The following CUL1 variants were observed in gnomAD, a reference collection of about 807,000 sequenced individuals.
The protein encoded by CUL1 is cullin 1.
CUL1 carries 24 observed loss-of-function variants against 118.0 expected under a neutral mutation model. That is an observed-to-expected ratio of 0.20 (90% CI 0.15 to 0.29). The LOEUF (loss-of-function observed/expected upper bound fraction) is 0.29. Among genes scored for constraint, CUL1 ranks in the 10% least tolerant of loss-of-function variants. The pLI, the probability that CUL1 is intolerant of heterozygous loss-of-function variation, is 1.00. For missense variants in CUL1, 361 were observed against 933.8 expected, an observed-to-expected ratio of 0.39 and a Z score of 7.99; for synonymous variants, 332 against 340.4, an observed-to-expected ratio of 0.98 and a Z score of 0.27.
chr7:148,781,754 G>A (rs1465397718), intron 9 of CUL1, among the ~76,000 whole-genome samples: 3 of 152,214 alleles, frequency 2.0e-5, no homozygotes, highest in African/African-American at 4.8e-5. Flanking sequence ...GCGTGTGGCA[G>A]GGAAGCCGTG....
rs531901382 is a variant in CUL1 at position 148,722,615 on chromosome 7, A to G, written c.-161-7347A>G. On this transcript the variant is annotated intron_variant, in intron 1 of 21. Transcript: ENST00000325222. ...GTTCCTCTCTGCACTAGCCATTTCT[A>G]TCCCTACAGTGGTCATCTGCTAACC... 1.2e-4 allele frequency among the ~76,000 whole-genome samples: 19 copies of G among 152,302 alleles called. No homozygotes were observed. The South Asian group carries it at 2.1e-3, about 17-fold the overall frequency.
intron 1 of CUL1, among the ~76,000 whole-genome samples, chr7:148,727,128 G>A (rs1283109128): frequency 6.6e-6 from 1 of 152,192 alleles, no homozygotes; most frequent in African/African-American, 2.4e-5. Context: ...GCATATGGTA[G>A]CATCCTACTA....
At chr7:148,734,666 C>T (rs116717170) in intron 2 of CUL1, among the ~76,000 whole-genome samples, 2,202 of 152,128 alleles carry the variant, frequency 0.014, 44 homozygotes, top group African/African-American at 0.05. Flanking sequence ...TTATTGACAC[C>T]GCTATATTTC....
chr7:148,703,386 C>T (rs1449341493), intron 1 of CUL1, among the ~76,000 whole-genome samples: 1 of 152,088 alleles, frequency 6.6e-6, no homozygotes, highest in Non-Finnish European at 1.5e-5. Flanking sequence ...TTTATAAAAC[C>T]ATTCAAGACT....
intron 7 of CUL1, among the ~76,000 whole-genome samples, chr7:148,764,625 T>G (rs1458262416): frequency 2.0e-5 from 3 of 152,222 alleles, no homozygotes; most frequent in Non-Finnish European, 4.4e-5. Flanking sequence ...CAAGAAAGAG[T>G]TATAACTTAA....
intron 1 of CUL1, among the ~76,000 whole-genome samples, chr7:148,723,428 A>G (rs1264960081): frequency 1.3e-5 from 2 of 152,142 alleles, no homozygotes; most frequent in Non-Finnish European, 2.9e-5. Context: ...TCCAAGGACA[A>G]CTGCCCTCCT....
Position 148,800,483 on chromosome 7 carries a change from T to G in CUL1, c.2251-19T>G, listed in dbSNP as rs760757294. 1.9e-6 allele frequency: 3 copies of G among 1,603,688 alleles called. No homozygotes were observed. Among genetic ancestry groups the G allele is most frequent in the Non-Finnish European group, 2.6e-6 (3 of 1,170,850 alleles). ...TTCTTCTCTTTCACTACCTCTTCCTTTTTAAAAATAACACCCAGAAATGCA... is the reference window on the plus strand; with the variant it reads ...TTCTTCTCTTTCACTACCTCTTCCTGTTTAAAAATAACACCCAGAAATGCA... On this transcript the variant is annotated intron_variant, in intron 21 of 21. Coordinates refer to ENST00000325222, the MANE Select transcript of CUL1 (RefSeq NM_003592.3). This position sits in a 1 kb window ranked among gnomAD's most constrained non-coding sequence, Gnocchi z 4.6.
chr7:148,712,685 T>A (rs1798087638), intron 1 of CUL1, among the ~76,000 whole-genome samples: 1 of 152,242 alleles, frequency 6.6e-6, no homozygotes, highest in Non-Finnish European at 1.5e-5. Flanking sequence ...CGTAACTCAC[T>A]TATTCCTCAT....
At chr7:148,760,255 A>G in intron 6 of CUL1, 78 bp from the exon 7 acceptor site, 6 of 1,216,712 alleles carry the variant, frequency 4.9e-6, no homozygotes, top group South Asian at 1.7e-5. Context: ...CTTAAACTGA[A>G]TGCTACACCT....
intron 11 of CUL1, 52 bp downstream of exon 11, chr7:148,784,129 T>C: frequency 7.2e-7 from 1 of 1,394,102 alleles, no homozygotes; most frequent in Non-Finnish European, 1.0e-6. Flanking sequence ...ATCTCAGCTT[T>C]TATATGAGGA....
At position 148,756,959 on chromosome 7, in the gene CUL1, A is replaced by C. The variant is rs1166584970; in HGVS notation, c.316-24A>C. The C allele has an allele frequency of 3.9e-6, 6 of 1,537,422 alleles. No individual in the cohort carries two copies. In the African/African-American group the frequency reaches 8.3e-5, roughly 21 times the overall value. On this transcript the variant is annotated intron_variant, in intron 3 of 21. Coordinates refer to ENST00000325222, the MANE Select transcript of CUL1 (RefSeq NM_003592.3). ...ATAATGTGACAAATTAGTCATCTTA[A>C]AGCTTTAGTTAACTTGTTTTTAGGA...
chr7:148,741,083 G>A (rs914062919), intron 2 of CUL1, among the ~76,000 whole-genome samples: 3 of 152,154 alleles, frequency 2.0e-5, no homozygotes, highest in Non-Finnish European at 2.9e-5. Context: ...GCATATGTCA[G>A]TACTTCATTT....
intron 1 of CUL1, among the ~76,000 whole-genome samples, chr7:148,705,768 C>T (rs766204523): frequency 1.2e-4 from 19 of 152,078 alleles, no homozygotes; most frequent in Admixed American, 2.0e-4. Flanking sequence ...GCCATTTCCC[C>T]CTCCCCAAAC....
Position 148,792,749 on chromosome 7 carries a change from C to T in CUL1, c.1830C>T (p.Ile610=). The T allele has an allele frequency of 1.2e-6, 2 of 1,612,630 alleles. No individual in the cohort carries two copies. The highest frequency in any genetic ancestry group is 1.1e-5 in the South Asian group (1 of 90,486). ...AGGCGTCGACATTCCAGATGGCTAT[C>T]CTGCTTCAGTACAACACGGAAGATG... ...TLQASTFQMA[I]LLQYNTEDAY... is the part of the protein sequence containing the mutation. Residue 610 remains isoleucine, a synonymous_variant, in exon 17 of 22, where the codon ATC becomes ATT. Transcript: ENST00000325222.
chr7:148,698,581 A>C (rs1180085445), upstream of CUL1: 3 of 151,722 alleles, frequency 2.0e-5, no homozygotes, highest in African/African-American at 7.3e-5. Context: ...CGGCCGCGGA[A>C]GGGGCGCCCC....
intron 7 of CUL1, among the ~76,000 whole-genome samples, 171 bp from the exon 8 acceptor site, chr7:148,766,382 ACCCAAAGT>A (rs1306718765): frequency 6.6e-6 from 1 of 152,058 alleles, no homozygotes; most frequent in Non-Finnish European, 1.5e-5. Flanking sequence ...TGCTTCAGCC[ACCCAAAGT>A]GGCTGAGCCA....
chr7:148,743,232 G>T (rs1472328922), intron 2 of CUL1, among the ~76,000 whole-genome samples: 2 of 152,280 alleles, frequency 1.3e-5, no homozygotes, highest in East Asian at 3.9e-4. Context: ...AAAAGAATGT[G>T]GGTTCTGCAG....
In CUL1 at chr7:148,725,198, T is replaced by TAC. The variant is rs147863334; in HGVS notation, c.-161-4751_-161-4750dup. On this transcript the variant is annotated intron_variant, in intron 1 of 21. Coordinates refer to ENST00000325222, the MANE Select transcript of CUL1 (RefSeq NM_003592.3). ...GGCATGCAGCGCACATGCGCGCGTG[T>TAC]ACACACACACACACGCGCGCGCTCA... Among the ~76,000 whole-genome samples, 294 of 106,830 alleles carry TAC rather than the reference T, an allele frequency of 2.8e-3. 1 individual carries two copies. Among genetic ancestry groups the TAC allele is most frequent in the African/African-American group, 8.3e-3 (261 of 31,548 alleles). 70.1% of individuals were successfully genotyped at this position (106,830 alleles called of 152,430 possible).
At chr7:148,725,221 T>TCACACACACACACACACACACACA (rs1164701228) in intron 1 of CUL1, among the ~76,000 whole-genome samples, 1 of 145,388 alleles carries the variant, frequency 6.9e-6, no homozygotes, top group Non-Finnish European at 1.5e-5. Flanking sequence ...ACGCGCGCGC[T>TCACACACACACACACACACACACA]CACACACACA....
Sources: gnomAD v4.1 joint callset for allele counts (sites outside exome capture counted in the v4.1 genomes callset) on GRCh38, gnomAD v4.1.1 for gene constraint, Gnocchi (gnomAD v3.1) non-coding constraint, MANE v1.5 for transcripts, NCBI Gene and HGNC (gene_info 2026-07-23, HGNC 2026-07-21) for gene names.